PCDH7: variants seen among roughly 807,000 people sequenced by gnomAD.
PCDH7 encodes the protein protocadherin-7.
A neutral mutation model predicts 58.9 loss-of-function variants in PCDH7; 17 were observed. That is an observed-to-expected ratio of 0.29 (90% confidence interval 0.20 to 0.43). The LOEUF (loss-of-function observed/expected upper bound fraction) is 0.43. Among genes scored for constraint, PCDH7 ranks in the 20% least tolerant of loss-of-function variants. The pLI is 1.00. For synonymous variants in PCDH7, 664 were observed against 616.4 expected, an observed-to-expected ratio of 1.08 and a Z score of -1.14; for missense variants, 1,274 against 1,441.0, an observed-to-expected ratio of 0.88 and a Z score of 1.88.
intron 3 of PCDH7, among the ~76,000 whole-genome samples, chr4:31,030,405 T>A (rs944171503): frequency 1.3e-5 from 2 of 152,192 alleles, no homozygotes; most frequent in African/African-American, 4.8e-5. Flanking sequence ...CATTTAGGAA[T>A]GCTATCTGAA....
At chr4:31,056,646 GAGAA>G (rs989642231) in intron 3 of PCDH7, among the ~76,000 whole-genome samples, 2 of 148,692 alleles carry the variant, frequency 1.3e-5, no homozygotes, top group South Asian at 2.3e-4. Context: ...GAGAGAGAGA[GAGAA>G]AGAGAGAGAG....
At chr4:30,742,845 C>G (rs947455116) in intron 1 of PCDH7, among the ~76,000 whole-genome samples, 1 of 152,196 alleles carries the variant, frequency 6.6e-6, no homozygotes, top group South Asian at 2.1e-4. Flanking sequence ...ATCCTCACAT[C>G]TAAAAGCCAC....
intron 3 of PCDH7, among the ~76,000 whole-genome samples, chr4:31,013,179 G>A (rs1207303628): frequency 2.0e-5 from 3 of 150,308 alleles, no homozygotes; most frequent in Non-Finnish European, 3.0e-5. Flanking sequence ...GCAACAGAAG[G>A]AGACCCTGTT....
At chr4:30,838,569 T>C (rs1730807466) in intron 1 of PCDH7, among the ~76,000 whole-genome samples, 3 of 152,172 alleles carry the variant, frequency 2.0e-5, no homozygotes, top group Admixed American at 2.0e-4. Flanking sequence ...AGAAAGCTTA[T>C]CTAGAAAAAC....
rs531575889 is a variant in PCDH7 at position 30,792,775 on chromosome 4, C to T, written c.70+68179C>T. 1.3e-4 allele frequency among the ~76,000 whole-genome samples: 20 copies of T among 152,082 alleles called. No homozygotes were observed. The East Asian group carries it at 3.7e-3, about 28-fold the overall frequency. On this transcript the variant is annotated intron_variant, in intron 1 of 3. Coordinates refer to the PCDH7 transcript ENST00000509759. ...TTTCTGTGTGTCTAGCTGTTAAAGG[C>T]GGGTCAGCATGAGTTTTTTCTCCCC...
intron 1 of PCDH7, among the ~76,000 whole-genome samples, chr4:30,884,268 A>G (rs1737386294): frequency 6.6e-6 from 1 of 152,138 alleles, no homozygotes; most frequent in African/African-American, 2.4e-5. Context: ...TATAAACAGA[A>G]AAAAGCAGGA....
chr4:31,025,932 T>G (rs1272415281), intron 3 of PCDH7, among the ~76,000 whole-genome samples: 1 of 152,232 alleles, frequency 6.6e-6, no homozygotes, highest in East Asian at 1.9e-4. Context: ...AAAGTAACAA[T>G]GCTTAACATA....
chr4:31,060,354 A>G (rs1050471859), intron 3 of PCDH7, among the ~76,000 whole-genome samples: 1 of 151,790 alleles, frequency 6.6e-6, no homozygotes, highest in African/African-American at 2.4e-5. Context: ...ATTCATGTAT[A>G]AAGAAACCTT....
chr4:31,029,915 G>T (rs937229955), intron 3 of PCDH7, among the ~76,000 whole-genome samples: 3 of 152,120 alleles, frequency 2.0e-5, no homozygotes, highest in South Asian at 4.1e-4. Context: ...GAGAAAGAAA[G>T]ACTAATGCAG....
chr4:30,732,814 A>G (rs1715713384), exon 2 of PCDH7: 1 of 152,224 alleles, frequency 6.6e-6, no homozygotes, highest in East Asian at 1.9e-4. Context: ...CAAGAAAAAA[A>G]AATGCTGACA....
intron 1 of PCDH7, among the ~76,000 whole-genome samples, chr4:30,808,437 G>A (rs1726544210): frequency 6.6e-6 from 1 of 151,892 alleles, no homozygotes; most frequent in Non-Finnish European, 1.5e-5. Context: ...GATAACTTAG[G>A]CACAATTCTT....
chr4:30,901,292 A>C (rs2109394570), intron 1 of PCDH7, among the ~76,000 whole-genome samples: 2 of 152,258 alleles, frequency 1.3e-5, no homozygotes, highest in South Asian at 2.1e-4. Context: ...AAACAGAAAA[A>C]CCAGATAGAG....
chr4:31,017,717 GA>G (rs1392904586), intron 3 of PCDH7, among the ~76,000 whole-genome samples: 1 of 151,286 alleles, frequency 6.6e-6, no homozygotes. Flanking sequence ...AATATAGAGA[GA>G]AAAAAATAAA....
intron 3 of PCDH7, among the ~76,000 whole-genome samples, chr4:31,044,866 A>G (rs1756157529): frequency 6.6e-6 from 1 of 152,176 alleles, no homozygotes; most frequent in Non-Finnish European, 1.5e-5. Flanking sequence ...TTATGTATTT[A>G]TCAATTTTCC....
chr4:31,068,111 C>T (rs12645319), intron 3 of PCDH7, among the ~76,000 whole-genome samples: 26,029 of 151,716 alleles, frequency 0.17, 2,791 homozygotes, highest in South Asian at 0.28. Flanking sequence ...CGTTTTCTTA[C>T]GGGCAAATTG....
At chr4:30,932,389 G>A (rs1364751554) in intron 2 of PCDH7, among the ~76,000 whole-genome samples, 1 of 152,044 alleles carries the variant, frequency 6.6e-6, no homozygotes, top group Non-Finnish European at 1.5e-5. Context: ...TTTTAATGTT[G>A]TTTTTAACCT....
intron 1 of PCDH7, among the ~76,000 whole-genome samples, chr4:30,872,958 C>T (rs1305834386): frequency 6.6e-6 from 1 of 152,062 alleles, no homozygotes; most frequent in African/African-American, 2.4e-5. Context: ...GATAGCTAGT[C>T]ACATTGACCA....
chr4:31,079,836 C>G (rs781151387), intron 3 of PCDH7, among the ~76,000 whole-genome samples: 4 of 151,962 alleles, frequency 2.6e-5, no homozygotes, highest in African/African-American at 7.3e-5. Context: ...ATGTAGAATT[C>G]TGCAGATAAA....
intron 1 of PCDH7, among the ~76,000 whole-genome samples, chr4:30,876,999 C>T (rs538733411): frequency 3.4e-4 from 51 of 152,120 alleles, no homozygotes; most frequent in African/African-American, 1.0e-3. Flanking sequence ...TAATATCTCC[C>T]GCACAGTCCC....
Sources: gnomAD v4.1 joint callset for allele counts (sites outside exome capture counted in the v4.1 genomes callset) on GRCh38, gnomAD v4.1.1 for gene constraint, MANE v1.5 for transcripts, NCBI Gene and HGNC (gene_info 2026-07-23, HGNC 2026-07-21) for gene names.